Variants in ITGA11 observed in about 807,000 individuals in gnomAD.
The protein encoded by ITGA11 is integrin subunit alpha 11.
A neutral mutation model predicts 141.9 loss-of-function variants in ITGA11; 97 were observed. The ratio of observed to expected loss-of-function variants is 0.68; its 90% CI spans 0.58 to 0.81. The LOEUF (loss-of-function observed/expected upper bound fraction) is 0.81. ITGA11 is among the 30% of genes least tolerant of loss of function. The pLI is 0.00. For missense variants in ITGA11, 1,387 were observed against 1,559.2 expected, an observed-to-expected ratio of 0.89 and a Z score of 1.86; for synonymous variants, 658 against 624.6, an observed-to-expected ratio of 1.05 and a Z score of -0.80.
intron 2 of ITGA11, among the ~76,000 whole-genome samples, chr15:68,396,509 G>A (rs1298277246): frequency 2.0e-5 from 3 of 151,864 alleles, no homozygotes; most frequent in African/African-American, 7.3e-5. Context: ...CACTATCATA[G>A]CAGAAATAAG....
intron 26 of ITGA11, among the ~76,000 whole-genome samples, chr15:68,309,662 T>G (rs1893314625): frequency 7.0e-6 from 1 of 143,798 alleles, no homozygotes; most frequent in South Asian, 2.3e-4. Context: ...TGGCGCCAAC[T>G]TGGCTCATTG....
intron 19 of ITGA11, among the ~76,000 whole-genome samples, chr15:68,320,803 G>A (rs1013092638): frequency 6.6e-6 from 1 of 152,154 alleles, no homozygotes; most frequent in African/African-American, 2.4e-5. Flanking sequence ...TTTTGAATGT[G>A]CTATTTCTCT....
Position 68,322,091 on chromosome 15 carries a change from G to A in ITGA11, c.2323-588C>T, listed in dbSNP as rs550780598. 2.6e-5 allele frequency among the ~76,000 whole-genome samples: 4 copies of A among 152,166 alleles called. No individual in the cohort carries two copies. The highest frequency in any genetic ancestry group is 1.9e-4 in the East Asian group (1 of 5,188). ...GGTGGTGAAGTCCAGGAGGAAGGAC[G>A]GCCTGATGCAGGGGCCCTGGGGCAG... On this transcript the variant is annotated intron_variant, in intron 18 of 29. Transcript: ENST00000315757. This position sits in a 1 kb window ranked among gnomAD's most constrained non-coding sequence, Gnocchi z 5.6.
chr15:68,367,351 T>C (rs1405867904), intron 3 of ITGA11, among the ~76,000 whole-genome samples: 1 of 152,166 alleles, frequency 6.6e-6, no homozygotes, highest in Non-Finnish European at 1.5e-5. Flanking sequence ...CCAACCTCAT[T>C]GCCTCTGTCC....
At chr15:68,352,517 G>A (rs1228349550) in intron 7 of ITGA11, among the ~76,000 whole-genome samples, 1 of 152,030 alleles carries the variant, frequency 6.6e-6, no homozygotes, top group East Asian at 1.9e-4. Flanking sequence ...ATAAGGTTCT[G>A]GTGAGCATCC....
At chr15:68,401,634 T>C (rs79362332) in intron 2 of ITGA11, among the ~76,000 whole-genome samples, 3,486 of 152,212 alleles carry the variant, frequency 0.023, 140 homozygotes, top group African/African-American at 0.078. Context: ...TTCTCCTCTA[T>C]GAAGTTCAAA....
At chr15:68,373,385 T>C (rs555495509) in intron 2 of ITGA11, among the ~76,000 whole-genome samples, 1 of 152,370 alleles carries the variant, frequency 6.6e-6, no homozygotes, top group East Asian at 1.9e-4. Flanking sequence ...TGGGGGCTTT[T>C]GGCTTTGCCT....
At position 68,361,995 on chromosome 15, in the gene ITGA11, C is replaced by G. The variant is rs977163319; in HGVS notation, c.358-291G>C. ...TTTAGGAATATGATACTTCTTCACCCTACCTGCCCACCCCACTCACCCACC... is the reference window on the plus strand; with the variant it reads ...TTTAGGAATATGATACTTCTTCACCGTACCTGCCCACCCCACTCACCCACC... On this transcript the variant is annotated intron_variant, in intron 4 of 29. Coordinates refer to ENST00000315757, the MANE Select transcript of ITGA11 (RefSeq NM_001004439.2). The G allele has an allele frequency of 5.9e-5, 18 of 306,948 alleles. No homozygotes were observed. The East Asian group carries it at 1.5e-3, about 25-fold the overall frequency. The allele number at this position is 306,948 out of a possible 1,614,324, so 19.0% of individuals were successfully genotyped here.
Position 68,303,843 on chromosome 15 carries a change from T to TG in ITGA11, c.3423dup (p.Ile1142HisfsTer29), listed in dbSNP as rs1567119451. ...AGGGTGCTGCCTACAATGATCCAGA[T>TG]GGGGACCTGCCAGTCCTCTTGCTTG... On this transcript the variant is annotated frameshift_variant, in exon 29 of 30. Transcript: ENST00000315757. LOFTEE classifies it high-confidence loss of function. The surrounding 1 kb of genome is among the most constrained non-coding windows in gnomAD (Gnocchi z 5.3). 2 of 1,612,888 alleles carry TG rather than the reference T, an allele frequency of 1.2e-6. No individual in the cohort carries two copies. Among genetic ancestry groups the TG allele is most frequent in the Non-Finnish European group, 1.7e-6 (2 of 1,179,372 alleles).
At chr15:68,349,555 A>C (rs1894841046) in intron 9 of ITGA11, among the ~76,000 whole-genome samples, 1 of 152,162 alleles carries the variant, frequency 6.6e-6, no homozygotes. Context: ...CTTTATATTC[A>C]TCTGCCCTTG....
At chr15:68,320,654 C>G (rs910359382) in intron 19 of ITGA11, among the ~76,000 whole-genome samples, 1 of 152,202 alleles carries the variant, frequency 6.6e-6, no homozygotes, top group African/African-American at 2.4e-5. Context: ...CTTATTTGAC[C>G]TCACCACTCA....
At chr15:68,396,915 A>G (rs1162935221) in intron 2 of ITGA11, among the ~76,000 whole-genome samples, 2 of 91,600 alleles carry the variant, frequency 2.2e-5, no homozygotes, top group African/African-American at 4.4e-5. Flanking sequence ...TTTATTATAT[A>G]TTATTTATTA....
At chr15:68,338,115 C>G (rs957028032) in intron 11 of ITGA11, among the ~76,000 whole-genome samples, 1 of 152,204 alleles carries the variant, frequency 6.6e-6, no homozygotes, top group Non-Finnish European at 1.5e-5. Flanking sequence ...CACCTTGCAC[C>G]CCTTCTTTGG....
chr15:68,327,351 T>A (rs1025440513), intron 16 of ITGA11, among the ~76,000 whole-genome samples: 2 of 152,240 alleles, frequency 1.3e-5, no homozygotes, highest in Non-Finnish European at 2.9e-5. Context: ...TCCCTTCTCC[T>A]GTTCTCCAGC....
chr15:68,339,570 C>T lies in ITGA11; in HGVS notation c.1206G>A (p.Lys402=), dbSNP rs1356934647. Residue 402 remains lysine (K), a synonymous_variant, in exon 11 of 30, where the codon AAG becomes AAA. Transcript: ENST00000315757. The part of the protein sequence containing the change: ...GAVLKETSAG[K]VIPLRESYLK... ...GGTAGGACTCGCGGAGAGGAATGACCTTCCCGGCACTCGTCTCCTTTAGCA... is the reference window on the plus strand; with the variant it reads ...GGTAGGACTCGCGGAGAGGAATGACTTTCCCGGCACTCGTCTCCTTTAGCA... 3 of 1,613,994 alleles carry T rather than the reference C, an allele frequency of 1.9e-6. No homozygotes were observed. Among genetic ancestry groups the T allele is most frequent in the Middle Eastern group, 1.6e-4 (1 of 6,062 alleles).
Position 68,367,260 on chromosome 15 carries a change from C to T in ITGA11, c.265+1924G>A, listed in dbSNP as rs531457302. On this transcript the variant is annotated intron_variant, in intron 3 of 29. Transcript: ENST00000315757. ...ACAGAGAAAAAAAAAGATTGGTTCA[C>T]GAATCCACGTCCCTGCCTGGACCAG... Among the ~76,000 whole-genome samples, 10 of 152,174 alleles carry T rather than the reference C, an allele frequency of 6.6e-5. No homozygotes were observed. The East Asian group carries it at 1.4e-3, about 21-fold the overall frequency.
chr15:68,391,511 G>C (rs1896122014), intron 2 of ITGA11, among the ~76,000 whole-genome samples: 1 of 152,214 alleles, frequency 6.6e-6, no homozygotes, highest in Admixed American at 6.5e-5. Flanking sequence ...TGAAGATGAT[G>C]CTGTGTTGGC....
intron 2 of ITGA11, among the ~76,000 whole-genome samples, chr15:68,372,123 C>T (rs1595882283): frequency 6.6e-6 from 1 of 152,206 alleles, no homozygotes; most frequent in Admixed American, 6.5e-5. Context: ...CTCTGCATTG[C>T]CCCAAATGTT....
At position 68,317,363 on chromosome 15, in the gene ITGA11, C is replaced by T. The variant is rs766490143; in HGVS notation, c.2617G>A (p.Glu873Lys). 6.2e-7 allele frequency: 1 copy of T among 1,608,586 alleles called. No homozygotes were observed. The highest frequency in any genetic ancestry group is 2.2e-5 in the East Asian group (1 of 44,838). Residue 873 changes from glutamate to lysine, a missense_variant and splice_region_variant, in exon 21 of 30, where the codon GAG becomes AAG. Physicochemically the swap from Glu to Lys is moderately conservative, Grantham distance 56 (BLOSUM62 1). Transcript: ENST00000315757. ...NLQFASLIQK[E>K]DSDGSIECVN... ...CACTCAATGCTACCGTCTGAGTCCT[C>T]CTGGAGGTGGGTGGCAGACATCATG...
Sources: allele counts gnomAD v4.1 joint callset (sites outside exome capture counted in the v4.1 genomes callset), GRCh38; gene constraint gnomAD v4.1.1; non-coding constraint Gnocchi (gnomAD v3.1); transcripts MANE v1.5; gene names NCBI Gene and HGNC (gene_info 2026-07-23, HGNC 2026-07-21).